Variants in BRIP1 observed in about 807,000 individuals in gnomAD.
BRIP1 encodes Fanconi anemia group J protein.
In BRIP1, 88 loss-of-function variants were observed where a neutral mutation model predicts 119.7. The ratio of observed to expected loss-of-function variants is 0.74; its 90% CI spans 0.62 to 0.88. The LOEUF (loss-of-function observed/expected upper bound fraction) is 0.88, where lower values mean the gene tolerates loss of function less well. Among genes scored for constraint, BRIP1 ranks in the 40% least tolerant of loss-of-function variants. The pLI is 0.00. For missense variants in BRIP1, 1,259 were observed against 1,455.4 expected, an observed-to-expected ratio of 0.87 and a Z score of 2.20; for synonymous variants, 443 against 496.5, an observed-to-expected ratio of 0.89 and a Z score of 1.43.
chr17:61,739,049 G>T lies in BRIP1; in HGVS notation c.2379+3964C>A, dbSNP rs1468593591. ...GAAGAGAGAGGACATAGGCAAAAAT[G>T]GAAATAATTAGTTTTAGGGAACAAA... On this transcript the variant is annotated intron_variant, in intron 16 of 19. Transcript: ENST00000259008. This position sits in a 1 kb window ranked among gnomAD's most constrained non-coding sequence, Gnocchi z 6.0. 1 of 168,564 alleles carries T rather than the reference G, an allele frequency of 5.9e-6. No individual in the cohort carries two copies. The highest frequency in any genetic ancestry group is 1.3e-5 in the Non-Finnish European group (1 of 77,634). 10.4% of individuals were successfully genotyped at this position (168,564 alleles called of 1,614,324 possible). A position where few individuals can be genotyped will look rare whatever the true frequency, so the allele number is the denominator to read the frequency against.
chr17:61,693,435 A>G lies in BRIP1; in HGVS notation c.2570T>C (p.Ile857Thr), dbSNP rs766432760. The change falls in exon 18 of 20, where the codon ATA becomes ACA. Residue 857 changes from isoleucine to threonine, a missense_variant. Transcript: ENST00000259008. The surrounding 1 kb of genome is among the most constrained non-coding windows in gnomAD (Gnocchi z 4.2). ...AAGCCCAGCTGAGATCTTACCAGATATATAGCGACTTGGGTTATTCCTAAA... is the reference window on the plus strand; with the variant it reads ...AAGCCCAGCTGAGATCTTACCAGATGTATAGCGACTTGGGTTATTCCTAAA... Reference protein sequence around the residue: ...DRFRNNPSRYISGLSKWVRQQ... With the variant: ...DRFRNNPSRYTSGLSKWVRQQ... The G allele has an allele frequency of 6.2e-7, 1 of 1,612,554 alleles. No individual in the cohort carries two copies. Among genetic ancestry groups the G allele is most frequent in the Non-Finnish European group, 8.5e-7 (1 of 1,178,612 alleles).
chr17:61,800,678 C>T (rs2077976262), intron 8 of BRIP1, among the ~76,000 whole-genome samples: 1 of 151,964 alleles, frequency 6.6e-6, no homozygotes. Context: ...AAGAGATAAC[C>T]AAATAAGAGG....
rs1035675455 is a variant in BRIP1 at position 61,816,904 on chromosome 17, T to C, written c.628-8147A>G. On this transcript the variant is annotated intron_variant, in intron 6 of 19. Transcript: ENST00000259008. This position sits in a 1 kb window ranked among gnomAD's most constrained non-coding sequence, Gnocchi z 5.0. ...CATTTTGCAACTTTCCTGTACTAAC[T>C]GATTCAGGCAAGTTACATAAATGGA... 5.9e-5 allele frequency among the ~76,000 whole-genome samples: 9 copies of C among 152,236 alleles called. No homozygotes were observed. Among genetic ancestry groups the C allele is most frequent in the Non-Finnish European group, 8.8e-5 (6 of 68,036 alleles).
rs2061960401 is a variant in BRIP1, at chr17:61,720,809, A to G, written c.2380-4746T>C. Among the ~76,000 whole-genome samples the G allele has an allele frequency of 6.6e-6, 1 of 152,136 alleles. No individual in the cohort carries two copies. The highest frequency in any genetic ancestry group is 1.5e-5 in the Non-Finnish European group (1 of 68,022). ...AAATTGTAAACCTACTCAAGAAAAA[A>G]CAAAGTATTTTCCGTGTACTCTATA... On this transcript the variant is annotated intron_variant, in intron 16 of 19. Transcript: ENST00000259008. The surrounding 1 kb of genome is among the most constrained non-coding windows in gnomAD (Gnocchi z 4.3).
rs2077216606 is a variant in BRIP1 at position 61,757,546 on chromosome 17, AG to A, written c.2098-12956del. 6.6e-6 allele frequency among the ~76,000 whole-genome samples: 1 copy of A among 152,226 alleles called. No homozygotes were observed. Among genetic ancestry groups the A allele is most frequent in the Non-Finnish European group, 1.5e-5 (1 of 68,042 alleles). ...AATGTCAGAGCTGCACTACTAGTGC[AG>A]TAATGCACTAGTGACACCTGATTTA... On this transcript the variant is annotated intron_variant, in intron 14 of 19. Transcript: ENST00000259008. The surrounding 1 kb of genome is among the most constrained non-coding windows in gnomAD (Gnocchi z 4.3).
chr17:61,797,931 C>T (rs912160976), intron 9 of BRIP1, among the ~76,000 whole-genome samples: 1 of 151,996 alleles, frequency 6.6e-6, no homozygotes, highest in East Asian at 1.9e-4. Context: ...TTATACATTG[C>T]TGGTAGAAGC....
In BRIP1 at chr17:61,742,921, C is replaced by T. The variant is rs2144672587; in HGVS notation, c.2379+92G>A. On this transcript the variant is annotated intron_variant, in intron 16 of 19. Coordinates refer to ENST00000259008, the MANE Select transcript of BRIP1 (RefSeq NM_032043.3). This position sits in a 1 kb window ranked among gnomAD's most constrained non-coding sequence, Gnocchi z 4.7. Reference sequence around the variant, plus strand: ...AATTTGTAAAAAAGCACTATAAAAGCAAAGCGCAATAAAATGAGGGATCCC... The same window carrying T: ...AATTTGTAAAAAAGCACTATAAAAGTAAAGCGCAATAAAATGAGGGATCCC... 6.6e-7 allele frequency: 1 copy of T among 1,519,102 alleles called. No homozygotes were observed. The highest frequency in any genetic ancestry group is 9.1e-7 in the Non-Finnish European group (1 of 1,097,468). 94.1% of individuals were successfully genotyped at this position (1,519,102 alleles called of 1,614,324 possible). A position where few individuals can be genotyped will look rare whatever the true frequency, so the allele number is the denominator to read the frequency against.
At chr17:61,826,688 G>A (rs1028300207) in intron 6 of BRIP1, among the ~76,000 whole-genome samples, 1 of 126,582 alleles carries the variant, frequency 7.9e-6, no homozygotes, top group Middle Eastern at 6.1e-3. Context: ...CCACCACAAT[G>A]AGATACCATC....
rs1472035875 is a variant in BRIP1 at position 61,823,195 on chromosome 17, T to A, written c.628-14438A>T. 6.6e-6 allele frequency among the ~76,000 whole-genome samples: 1 copy of A among 152,222 alleles called. No individual in the cohort carries two copies. Among genetic ancestry groups the A allele is most frequent in the African/African-American group, 2.4e-5 (1 of 41,462 alleles). On this transcript the variant is annotated intron_variant, in intron 6 of 19. Coordinates refer to ENST00000259008, the MANE Select transcript of BRIP1 (RefSeq NM_032043.3). The surrounding 1 kb of genome is among the most constrained non-coding windows in gnomAD (Gnocchi z 4.8). ...TTATAGTAGTTTTCACTTAGAACAA[T>A]GCATATATTTGTTTAAGTTTTCCAA... is the stretch of plus-strand genomic sequence containing the variant.
chr17:61,692,341 A>G (rs958934387), intron 18 of BRIP1, among the ~76,000 whole-genome samples: 1 of 152,258 alleles, frequency 6.6e-6, no homozygotes, highest in Non-Finnish European at 1.5e-5. Flanking sequence ...TCTGTGCAGC[A>G]AAGTAAATAA....
Position 61,822,555 on chromosome 17 carries a change from G to A in BRIP1, c.628-13798C>T, listed in dbSNP as rs140892890. Among the ~76,000 whole-genome samples the A allele has an allele frequency of 5.2e-3, 797 of 152,290 alleles. 5 individuals are homozygous for A. The highest frequency in any genetic ancestry group is 9.2e-3 in the Admixed American group (140 of 15,292). On this transcript the variant is annotated intron_variant, in intron 6 of 19. Coordinates refer to ENST00000259008, the MANE Select transcript of BRIP1 (RefSeq NM_032043.3). This position sits in a 1 kb window ranked among gnomAD's most constrained non-coding sequence, Gnocchi z 4.4. The stretch of plus-strand genomic sequence containing the variant: ...AATCATACAGGTTAATGAGATGACT[G>A]AATAGGAAAACAGACTGCTCTCACA...
chr17:61,799,834 A>G lies in BRIP1; in HGVS notation c.1141-535T>C, dbSNP rs1283223962. Among the ~76,000 whole-genome samples, 1 of 152,042 alleles carries G rather than the reference A, an allele frequency of 6.6e-6. No homozygotes were observed. Among genetic ancestry groups the G allele is most frequent in the Non-Finnish European group, 1.5e-5 (1 of 67,980 alleles). On this transcript the variant is annotated intron_variant, in intron 8 of 19. Transcript: ENST00000259008. This position sits in a 1 kb window ranked among gnomAD's most constrained non-coding sequence, Gnocchi z 5.1. ...TAATCTGTCCTGCAATCCTTCTCCA[A>G]CATGGGAGTTGGAGAATTGTTCTTC... is the stretch of plus-strand genomic sequence containing the variant.
rs2062008881 is a variant in BRIP1 at position 61,723,066 on chromosome 17, A to G, written c.2380-7003T>C. Among the ~76,000 whole-genome samples the G allele has an allele frequency of 6.6e-5, 10 of 152,380 alleles. No homozygotes were observed. The South Asian group carries it at 2.1e-3, about 32-fold the overall frequency. On this transcript the variant is annotated intron_variant, in intron 16 of 19. Transcript: ENST00000259008. ...ATAATAAAAATTACTTTGTGAGATC[A>G]CAGTTAATTGGAAAAAGCAAAACTA... is the stretch of plus-strand genomic sequence containing the variant.
intron 14 of BRIP1, among the ~76,000 whole-genome samples, chr17:61,772,833 A>AC (rs2077477799): frequency 3.3e-5 from 5 of 151,206 alleles, no homozygotes; most frequent in Admixed American, 3.3e-4. Flanking sequence ...AAAAAAAAAA[A>AC]AAAAAAAAAA....
At chr17:61,840,648 A>G (rs1358145154) in intron 6 of BRIP1, among the ~76,000 whole-genome samples, 1 of 152,048 alleles carries the variant, frequency 6.6e-6, no homozygotes, top group Non-Finnish European at 1.5e-5. Context: ...GAAAATAAGA[A>G]CTACATATTA....
At position 61,774,551 on chromosome 17, in the gene BRIP1, T is replaced by C. The variant is rs1192803244; in HGVS notation, c.2097+1850A>G. On this transcript the variant is annotated intron_variant, in intron 14 of 19. Coordinates refer to ENST00000259008, the MANE Select transcript of BRIP1 (RefSeq NM_032043.3). The surrounding 1 kb of genome is among the most constrained non-coding windows in gnomAD (Gnocchi z 5.8). ...TATACGTATGTAACAAACCTGCACGTTGTGCACATGTACCCTAGAACTTAA... is the reference window on the plus strand; with the variant it reads ...TATACGTATGTAACAAACCTGCACGCTGTGCACATGTACCCTAGAACTTAA... Among the ~76,000 whole-genome samples the C allele has an allele frequency of 2.0e-5, 3 of 152,118 alleles. No homozygotes were observed. Among genetic ancestry groups the C allele is most frequent in the African/African-American group, 7.2e-5 (3 of 41,418 alleles).
At position 61,861,140 on chromosome 17, in the gene BRIP1, ATAG is replaced by A. The variant is rs2078967234; in HGVS notation, c.93+304_93+306del. Among the ~76,000 whole-genome samples, 2 of 152,198 alleles carry A rather than the reference ATAG, an allele frequency of 1.3e-5. No homozygotes were observed. The highest frequency in any genetic ancestry group is 4.8e-5 in the African/African-American group (2 of 41,458). Reference sequence around the variant, plus strand: ...TCCAAACAAAACAATGGTGAGAAAAATAGTATTCTGTGTAAAAGATAGTAAATA... The same window carrying A: ...TCCAAACAAAACAATGGTGAGAAAAATATTCTGTGTAAAAGATAGTAAATA... On this transcript the variant is annotated intron_variant, in intron 2 of 19. Coordinates refer to ENST00000259008, the MANE Select transcript of BRIP1 (RefSeq NM_032043.3). This position sits in a 1 kb window ranked among gnomAD's most constrained non-coding sequence, Gnocchi z 4.5.
Position 61,861,788 on chromosome 17 carries a change from G to A in BRIP1, c.-30-219C>T, listed in dbSNP as rs1603368607. 1.8e-6 allele frequency: 1 copy of A among 551,536 alleles called. No homozygotes were observed. The allele number at this position is 551,536 out of a possible 1,614,324, so 34.2% of individuals were successfully genotyped here. ...AGATTTGTATCCTTCACTCTGCCAG[G>A]TATTAGTTGTGTGACTTCGGGAAAG... On this transcript the variant is annotated intron_variant, in intron 1 of 19. Coordinates refer to ENST00000259008, the MANE Select transcript of BRIP1 (RefSeq NM_032043.3). The surrounding 1 kb of genome is among the most constrained non-coding windows in gnomAD (Gnocchi z 4.5).
intron 11 of BRIP1, among the ~76,000 whole-genome samples, chr17:61,782,381 C>T (rs571824486): frequency 2.2e-4 from 15 of 69,062 alleles, no homozygotes; most frequent in African/African-American, 7.0e-4. Flanking sequence ...GCGAGACTCC[C>T]GTCTCAGAAA....
Sources: allele counts gnomAD v4.1 joint callset (sites outside exome capture counted in the v4.1 genomes callset), GRCh38; gene constraint gnomAD v4.1.1; non-coding constraint Gnocchi (gnomAD v3.1); transcripts MANE v1.5; gene names NCBI Gene and HGNC (gene_info 2026-07-23, HGNC 2026-07-21).